DPP10: variants seen among roughly 807,000 people sequenced by gnomAD.
DPP10 encodes dipeptidyl peptidase like 10, also known as inactive dipeptidyl peptidase 10.
DPP10 carries 33 observed loss-of-function variants against 120.9 expected under a neutral mutation model. That is an observed-to-expected ratio of 0.27 (90% CI 0.21 to 0.37). The LOEUF is 0.37. Among genes scored for constraint, DPP10 ranks in the 10% least tolerant of loss-of-function variants. The pLI, the probability that DPP10 is intolerant of heterozygous loss-of-function variation, is 1.00. For missense variants in DPP10, 816 were observed against 942.8 expected, an observed-to-expected ratio of 0.87 and a Z score of 1.76; for synonymous variants, 337 against 326.1, an observed-to-expected ratio of 1.03 and a Z score of -0.36.
rs575690155 is a variant in DPP10 at position 114,514,974 on chromosome 2, A to G, written c.60+72136A>G. 3.0e-4 allele frequency among the ~76,000 whole-genome samples: 46 copies of G among 152,320 alleles called. 1 individual carries two copies. In the South Asian group the frequency reaches 7.7e-3, roughly 25 times the overall value. On this transcript the variant is annotated intron_variant, in intron 1 of 25. Transcript: ENST00000410059. ...GTTAGTAAGGAAAAGCAAGTTGTGC[A>G]TAAGCAGTATTATACAGCATGCTTC...
At chr2:114,691,556 G>A in intron 1 of DPP10, among the ~76,000 whole-genome samples, 1 of 152,056 alleles carries the variant, frequency 6.6e-6, no homozygotes, top group East Asian at 1.9e-4. Flanking sequence ...CCAGGTTTTT[G>A]TATCCGGATG....
intron 1 of DPP10, among the ~76,000 whole-genome samples, chr2:114,499,081 T>A (rs993970271): frequency 1.3e-5 from 2 of 152,172 alleles, no homozygotes; most frequent in African/African-American, 4.8e-5. Context: ...TGAAGTCAAA[T>A]TTTTGCTGCC....
At chr2:114,660,269 G>C (rs1267200731) in intron 1 of DPP10, among the ~76,000 whole-genome samples, 1 of 152,144 alleles carries the variant, frequency 6.6e-6, no homozygotes, top group Non-Finnish European at 1.5e-5. Flanking sequence ...ATATTTACAG[G>C]ATGCATATAT....
At chr2:114,664,960 T>G (rs76275508) in intron 1 of DPP10, among the ~76,000 whole-genome samples, 14,814 of 107,482 alleles carry the variant, frequency 0.14, 1,150 homozygotes, top group Admixed American at 0.24. Flanking sequence ...AAAGATGGCA[T>G]AGAGCATCCA....
At chr2:115,657,585 T>A (rs1240395695) in intron 5 of DPP10, among the ~76,000 whole-genome samples, 5 of 151,844 alleles carry the variant, frequency 3.3e-5, no homozygotes, top group African/African-American at 1.2e-4. Context: ...CTTCTTCTAA[T>A]GCTCAACCAC....
chr2:114,515,709 CT>C (rs974642414), intron 1 of DPP10, among the ~76,000 whole-genome samples: 49 of 152,184 alleles, frequency 3.2e-4, no homozygotes, highest in African/African-American at 1.1e-3. Context: ...TGGCTCTCCT[CT>C]TCTTCTTCCT....
chr2:115,202,696 G>C (rs897940683), intron 1 of DPP10, among the ~76,000 whole-genome samples: 1 of 152,170 alleles, frequency 6.6e-6, no homozygotes, highest in African/African-American at 2.4e-5. Flanking sequence ...TTTCTGTGAT[G>C]AGTAAATGTT....
intron 1 of DPP10, among the ~76,000 whole-genome samples, chr2:115,168,007 A>T (rs1245942087): frequency 6.6e-6 from 1 of 152,130 alleles, no homozygotes; most frequent in Non-Finnish European, 1.5e-5. Flanking sequence ...GGAAAGACAG[A>T]TGGGATTTAT....
At chr2:115,416,694 AATTT>A (rs914996215) in intron 3 of DPP10, among the ~76,000 whole-genome samples, 10 of 152,276 alleles carry the variant, frequency 6.6e-5, no homozygotes, top group African/African-American at 2.4e-4. Flanking sequence ...ATTAAATCAC[AATTT>A]ATTTGTGCAC....
chr2:115,141,302 T>C (rs940629173), intron 1 of DPP10, among the ~76,000 whole-genome samples: 1 of 152,192 alleles, frequency 6.6e-6, no homozygotes, highest in Non-Finnish European at 1.5e-5. Context: ...ATCGGCAATT[T>C]AGGCAGGGAG....
At chr2:115,336,563 CTCTCT>C (rs2063142885) in intron 2 of DPP10, among the ~76,000 whole-genome samples, 1 of 121,188 alleles carries the variant, frequency 8.3e-6, no homozygotes, top group Non-Finnish European at 2.0e-5. Flanking sequence ...TGTGTACTCT[CTCTCT>C]CTCTCTCTCT....
chr2:114,936,267 G>A (rs548905721), intron 1 of DPP10, among the ~76,000 whole-genome samples: 6 of 151,854 alleles, frequency 4.0e-5, no homozygotes, highest in Non-Finnish European at 8.8e-5. Context: ...GAGTTGCTTC[G>A]CTTAGAATAA....
chr2:115,263,140 C>T (rs945146981), intron 1 of DPP10, among the ~76,000 whole-genome samples: 1 of 152,166 alleles, frequency 6.6e-6, no homozygotes, highest in Admixed American at 6.5e-5. Context: ...AAGAGATTAT[C>T]TCCAACAGAA....
chr2:114,897,743 C>A (rs901347912), intron 1 of DPP10, among the ~76,000 whole-genome samples: 54 of 152,274 alleles, frequency 3.5e-4, no homozygotes, highest in African/African-American at 9.9e-4. Context: ...AAACACATGA[C>A]AAAATGCTCA....
intron 11 of DPP10, among the ~76,000 whole-genome samples, chr2:115,757,524 G>T (rs2149773087): frequency 6.6e-6 from 1 of 152,158 alleles, no homozygotes; most frequent in African/African-American, 2.4e-5. Flanking sequence ...CATGAGAACA[G>T]CAAAGGAAAG....
chr2:115,623,273 C>G (rs1324130725), intron 5 of DPP10, among the ~76,000 whole-genome samples: 1 of 151,990 alleles, frequency 6.6e-6, no homozygotes, highest in Non-Finnish European at 1.5e-5. Flanking sequence ...AGTTCACCAG[C>G]CTCTGCTTTA....
intron 1 of DPP10, among the ~76,000 whole-genome samples, chr2:114,528,155 C>T (rs531542300): frequency 6.6e-6 from 1 of 152,234 alleles, no homozygotes; most frequent in Non-Finnish European, 1.5e-5. Context: ...ACAGCCACCT[C>T]CCATACACAC....
chr2:115,126,418 T>C (rs2050087794), intron 1 of DPP10, among the ~76,000 whole-genome samples: 2 of 152,174 alleles, frequency 1.3e-5, no homozygotes, highest in South Asian at 4.1e-4. Flanking sequence ...CAAGATATTT[T>C]GTATTTTCTA....
At chr2:114,448,071 C>G (rs1255360533) in intron 1 of DPP10, among the ~76,000 whole-genome samples, 1 of 152,102 alleles carries the variant, frequency 6.6e-6, no homozygotes, top group Non-Finnish European at 1.5e-5. Context: ...TTTCAAATTA[C>G]TATAAATTCA....
Sources: allele counts gnomAD v4.1 joint callset (sites outside exome capture counted in the v4.1 genomes callset), GRCh38; gene constraint gnomAD v4.1.1; transcripts MANE v1.5; gene names NCBI Gene and HGNC (gene_info 2026-07-23, HGNC 2026-07-21).